KLC1: variants seen among roughly 807,000 people sequenced by gnomAD.
The protein encoded by KLC1 is kinesin 2 60/70kDa.
In KLC1, 30 loss-of-function variants were observed where a neutral mutation model predicts 84.2. That is an observed-to-expected ratio of 0.36 (90% CI 0.27 to 0.48). The LOEUF is 0.48. Among genes scored for constraint, KLC1 ranks in the 20% least tolerant of loss-of-function variants. The probability of loss-of-function intolerance (pLI) is 0.99; values close to 1 mark genes in which losing one functional copy is unlikely to be tolerated. For synonymous variants in KLC1, 289 were observed against 293.3 expected, an observed-to-expected ratio of 0.99 and a Z score of 0.15; for missense variants, 499 against 805.4, an observed-to-expected ratio of 0.62 and a Z score of 4.60.
At chr14:103,697,215 C>A in intron 15 of KLC1, 1 of 685,504 alleles carries the variant, frequency 1.5e-6, no homozygotes, top group Non-Finnish European at 1.8e-6. Flanking sequence ...TAACTTTTTC[C>A]CATGTTCATG....
rs2082238005 is a variant in KLC1 at position 103,693,479 on chromosome 14, C to A, written c.1848+1054C>A. 2.4e-5 allele frequency: 36 copies of A among 1,531,440 alleles called. No homozygotes were observed. Among genetic ancestry groups the A allele is most frequent in the Non-Finnish European group, 3.1e-5 (36 of 1,144,506 alleles). 94.9% of individuals were successfully genotyped at this position (1,531,440 alleles called of 1,614,324 possible). ...TAGCTGTGCAGCTGGTACTGTTAGG[C>A]CTGAGGCCATTTGAAGCTGGCATCA... On this transcript the variant is annotated intron_variant, in intron 15 of 16. Coordinates refer to ENST00000334553, the MANE Select transcript of KLC1 (RefSeq NM_001394837.1). This position sits in a 1 kb window ranked among gnomAD's most constrained non-coding sequence, Gnocchi z 5.1.
At position 103,639,646 on chromosome 14, in the gene KLC1, C is replaced by G. The variant is rs920342870; in HGVS notation, c.-2+10152C>G. Among the ~76,000 whole-genome samples the G allele has an allele frequency of 8.0e-5, 12 of 150,618 alleles. No homozygotes were observed. In the East Asian group the frequency reaches 2.4e-3, roughly 30 times the overall value. On this transcript the variant is annotated intron_variant, in intron 1 of 16. Coordinates refer to ENST00000334553, the MANE Select transcript of KLC1 (RefSeq NM_001394837.1). ...GTAGAGACAGGGTCTCACTGTATTC[C>G]CCAGGCTGGTCTTGAACTCCTGGGC... is the stretch of plus-strand genomic sequence containing the variant.
Position 103,699,476 on chromosome 14 carries a change from C to T in KLC1, c.1849-1179C>T, listed in dbSNP as rs201886982. On this transcript the variant is annotated intron_variant, in intron 15 of 16. Transcript: ENST00000334553. ...GGCGGAGGCCTGGCTGTCAAATTCA[C>T]AGCGGAATGGGGCTGCCACCGAGTC... 5.0e-5 allele frequency: 80 copies of T among 1,612,764 alleles called. No individual in the cohort carries two copies. In the East Asian group the frequency reaches 1.3e-3, roughly 27 times the overall value.
At chr14:103,677,393 T>C in intron 11 of KLC1, 22 bp from the exon 12 acceptor site, 1 of 1,407,080 alleles carries the variant, frequency 7.1e-7, no homozygotes, top group Non-Finnish European at 1.0e-6. Flanking sequence ...CATAGTTCTG[T>C]ATGTCATGTG....
intron 14 of KLC1, among the ~76,000 whole-genome samples, chr14:103,688,587 C>T (rs1374725986): frequency 6.6e-6 from 1 of 152,206 alleles, no homozygotes; most frequent in African/African-American, 2.4e-5. Context: ...ATGGCCCAGT[C>T]CCTTAGTGGT....
intron 1 of KLC1, among the ~76,000 whole-genome samples, chr14:103,651,653 G>T (rs1470523930): frequency 2.0e-5 from 3 of 152,150 alleles, no homozygotes; most frequent in African/African-American, 7.2e-5. Flanking sequence ...CAGGTTTCTT[G>T]TGCTCTCACT....
intron 16 of KLC1, 116 bp from the exon 17 acceptor site, chr14:103,701,085 C>T (rs1238997342): frequency 1.1e-5 from 14 of 1,311,174 alleles, no homozygotes; most frequent in Middle Eastern, 1.8e-4. Flanking sequence ...CAGCAACACC[C>T]TCTTCTCTAG....
At chr14:103,691,536 T>G (rs1035397101) in intron 14 of KLC1, among the ~76,000 whole-genome samples, 1 of 142,234 alleles carries the variant, frequency 7.0e-6, no homozygotes, top group Admixed American at 7.3e-5. Context: ...TGGCGTGATC[T>G]CAGCTCACTG....
In KLC1 at chr14:103,693,611, C is replaced by G; in HGVS notation, c.1848+1186C>G. Reference sequence around the variant, plus strand: ...CTGAGTGCCAGCCACACTGACCTGGCCCACTGAGAGCCAGCAGGGCTAGGT... The same window carrying G: ...CTGAGTGCCAGCCACACTGACCTGGGCCACTGAGAGCCAGCAGGGCTAGGT... On this transcript the variant is annotated intron_variant, in intron 15 of 16. Coordinates refer to ENST00000334553, the MANE Select transcript of KLC1 (RefSeq NM_001394837.1). This position sits in a 1 kb window ranked among gnomAD's most constrained non-coding sequence, Gnocchi z 5.1. The G allele has an allele frequency of 1.3e-6, 2 of 1,536,024 alleles. No individual in the cohort carries two copies. Among genetic ancestry groups the G allele is most frequent in the Non-Finnish European group, 8.7e-7 (1 of 1,146,900 alleles).
intron 5 of KLC1, 107 bp downstream of exon 5, chr14:103,663,034 C>A: frequency 2.9e-6 from 2 of 682,528 alleles, no homozygotes; most frequent in Non-Finnish European, 4.7e-6. Context: ...ATTTTTCAAC[C>A]ATATCCACTT....
At position 103,662,925 on chromosome 14, in the gene KLC1, C is replaced by T. The variant is rs1205119137; in HGVS notation, c.795C>T (p.Tyr265=). 6.3e-7 allele frequency: 1 copy of T among 1,597,722 alleles called. No individual in the cohort carries two copies. The highest frequency in any genetic ancestry group is 1.4e-5 in the African/African-American group (1 of 73,956). ...ATMLNILALV[Y]RDQNKYKDAA... is the part of the protein sequence containing the mutation. ...TGCTCAACATCCTGGCCTTGGTGTA[C>T]AGGCTAGTCACTTTTGTTTACCTAC... The change falls in exon 5 of 17, where the codon TAC becomes TAT. Residue 265 remains tyrosine, a splice_region_variant and synonymous_variant. Transcript: ENST00000334553.
intron 1 of KLC1, among the ~76,000 whole-genome samples, chr14:103,634,767 A>G (rs912089011): frequency 6.6e-6 from 1 of 151,640 alleles, no homozygotes; most frequent in African/African-American, 2.4e-5. Context: ...TTATGTAGAG[A>G]CGGGGGTCTC....
At chr14:103,646,870 C>T (rs959668867) in intron 1 of KLC1, among the ~76,000 whole-genome samples, 4 of 152,094 alleles carry the variant, frequency 2.6e-5, no homozygotes, top group African/African-American at 9.7e-5. Flanking sequence ...CCTCATCCTC[C>T]CAAAGTGCTG....
intron 9 of KLC1, among the ~76,000 whole-genome samples, chr14:103,674,166 T>C (rs535053842): frequency 2.1e-4 from 32 of 152,330 alleles, no homozygotes; most frequent in African/African-American, 6.7e-4. Flanking sequence ...TCTTTTCACA[T>C]TTTTAATGTC....
chr14:103,650,332 A>G (rs1030566562), intron 1 of KLC1, among the ~76,000 whole-genome samples: 5 of 152,070 alleles, frequency 3.3e-5, no homozygotes, highest in Admixed American at 2.0e-4. Context: ...ATTAGCTCCA[A>G]AGCTGCTTCA....
chr14:103,698,567 A>C (rs2082773923), intron 15 of KLC1: 2 of 576,450 alleles, frequency 3.5e-6, no homozygotes, highest in African/African-American at 3.7e-5. Context: ...CCAGGTACCC[A>C]GCAAGCGGGC....
intron 9 of KLC1, among the ~76,000 whole-genome samples, chr14:103,675,339 C>A (rs1219863808): frequency 4.6e-5 from 7 of 152,142 alleles, no homozygotes; most frequent in South Asian, 2.1e-4. Context: ...AAATAAAAAA[C>A]CACAGAGGCT....
At chr14:103,687,035 G>A (rs1450671425) in intron 13 of KLC1, 46 bp from the exon 14 acceptor site, 1 of 1,475,806 alleles carries the variant, frequency 6.8e-7, no homozygotes, top group African/African-American at 1.4e-5. Context: ...TTGTGGGAAG[G>A]AGGGAGAACC....
intron 2 of KLC1, among the ~76,000 whole-genome samples, chr14:103,656,195 C>T (rs1375988044): frequency 6.6e-6 from 1 of 152,136 alleles, no homozygotes; most frequent in African/African-American, 2.4e-5. Flanking sequence ...TTGCATTGGC[C>T]AGACCTTATG....
Sources: allele counts gnomAD v4.1 joint callset (sites outside exome capture counted in the v4.1 genomes callset), GRCh38; gene constraint gnomAD v4.1.1; non-coding constraint Gnocchi (gnomAD v3.1); transcripts MANE v1.5; gene names NCBI Gene and HGNC (gene_info 2026-07-23, HGNC 2026-07-21).